The following PDE7A variants were observed in gnomAD, a reference collection of about 807,000 sequenced individuals.
PDE7A encodes the protein phosphodiesterase 7A, also known as high affinity 3',5'-cyclic-AMP phosphodiesterase 7A.
PDE7A carries 39 observed loss-of-function variants against 64.3 expected under a neutral mutation model. The observed-to-expected ratio is 0.61, with a 90% confidence interval of 0.47 to 0.79. The LOEUF (loss-of-function observed/expected upper bound fraction) is 0.79. PDE7A is among the 30% of genes least tolerant of loss of function. PDE7A has a pLI of 0.00. For synonymous variants in PDE7A, 203 were observed against 206.8 expected (o/e 0.98, Z 0.16); for missense variants, 470 against 582.8 (o/e 0.81, Z 1.99).
intron 3 of PDE7A, among the ~76,000 whole-genome samples, chr8:65,759,503 G>A (rs1563492813): frequency 6.6e-6 from 1 of 152,130 alleles, no homozygotes; most frequent in Non-Finnish European, 1.5e-5. Flanking sequence ...ATGGCTACTG[G>A]TTCACCCAAG....
chr8:65,840,919 C>A (rs1811065817), intron 1 of PDE7A, among the ~76,000 whole-genome samples: 1 of 152,244 alleles, frequency 6.6e-6, no homozygotes, highest in South Asian at 2.1e-4. Flanking sequence ...ACCAGGCGAG[C>A]GCCGCGGGGC....
At position 65,830,103 on chromosome 8, in the gene PDE7A, G is replaced by A. The variant is rs534275176; in HGVS notation, c.138+11268C>T. Among the ~76,000 whole-genome samples the A allele has an allele frequency of 1.3e-4, 20 of 152,062 alleles. No individual in the cohort carries two copies. In the East Asian group the frequency reaches 2.1e-3, roughly 16 times the overall value. On this transcript the variant is annotated intron_variant, in intron 1 of 12. Transcript: ENST00000401827. ...CTCTGCCACTTCATAAAAGAAAACC[G>A]TAACTCTCACATTTTCTGAAACTTG...
At chr8:65,721,041 C>T (rs1806355940) in intron 12 of PDE7A, among the ~76,000 whole-genome samples, 1 of 152,170 alleles carries the variant, frequency 6.6e-6, no homozygotes, top group African/African-American at 2.4e-5. Flanking sequence ...TCTGGCTCTA[C>T]GTTAACCTAA....
intron 1 of PDE7A, among the ~76,000 whole-genome samples, chr8:65,824,748 ATTG>A (rs992141578): frequency 2.0e-5 from 3 of 152,208 alleles, no homozygotes; most frequent in Non-Finnish European, 4.4e-5. Flanking sequence ...AAGTGTGTAC[ATTG>A]TTTTTATTAG....
At chr8:65,771,681 C>T (rs1171948743) in intron 3 of PDE7A, among the ~76,000 whole-genome samples, 1 of 151,860 alleles carries the variant, frequency 6.6e-6, no homozygotes, top group Non-Finnish European at 1.5e-5. Context: ...TCGAGACCAG[C>T]CTGGCCAACA....
At chr8:65,810,066 T>C (rs535627537) in intron 1 of PDE7A, among the ~76,000 whole-genome samples, 1 of 152,294 alleles carries the variant, frequency 6.6e-6, no homozygotes, top group East Asian at 1.9e-4. Context: ...ACTGCAGCAC[T>C]ATTGACAATA....
At chr8:65,783,362 T>A (rs1425757357) in intron 1 of PDE7A, among the ~76,000 whole-genome samples, 1 of 152,190 alleles carries the variant, frequency 6.6e-6, no homozygotes, top group Non-Finnish European at 1.5e-5. Context: ...ATCTGTGACC[T>A]GCCTGCCCTC....
At chr8:65,727,326 A>G in intron 7 of PDE7A, 25 bp from the exon 8 acceptor site, 1 of 1,612,088 alleles carries the variant, frequency 6.2e-7, no homozygotes, top group African/African-American at 1.3e-5. Flanking sequence ...AAGAATAATG[A>G]ATCACAGATA....
chr8:65,840,037 T>A (rs1422578526), intron 1 of PDE7A, among the ~76,000 whole-genome samples: 1 of 152,204 alleles, frequency 6.6e-6, no homozygotes, highest in Admixed American at 6.5e-5. Flanking sequence ...CTTTAACTAC[T>A]ACTATTAAAA....
intron 3 of PDE7A, among the ~76,000 whole-genome samples, chr8:65,755,698 TA>T (rs1808203097): frequency 6.6e-6 from 1 of 152,266 alleles, no homozygotes; most frequent in South Asian, 2.1e-4. Context: ...ACTTGTGTAG[TA>T]ACCTTTACCA....
chr8:65,763,929 A>G (rs1245944678), intron 3 of PDE7A, among the ~76,000 whole-genome samples: 6 of 152,244 alleles, frequency 3.9e-5, no homozygotes, highest in Non-Finnish European at 8.8e-5. Flanking sequence ...GAGTTAAGGA[A>G]GATATTTAGA....
chr8:65,734,006 A>G (rs1265536510), intron 7 of PDE7A, among the ~76,000 whole-genome samples: 1 of 152,234 alleles, frequency 6.6e-6, no homozygotes, highest in African/African-American at 2.4e-5. Context: ...CCTGCAGACA[A>G]TGATTCCCAA....
intron 1 of PDE7A, among the ~76,000 whole-genome samples, chr8:65,786,270 T>C (rs1437207666): frequency 6.6e-6 from 1 of 152,296 alleles, no homozygotes; most frequent in African/African-American, 2.4e-5. Flanking sequence ...AAGACATAGC[T>C]TTTATGAAAT....
intron 1 of PDE7A, among the ~76,000 whole-genome samples, chr8:65,830,458 G>T (rs1810790123): frequency 2.0e-5 from 3 of 151,810 alleles, no homozygotes; most frequent in African/African-American, 7.3e-5. Context: ...TACTAAATTC[G>T]TAAGTGAGGT....
chr8:65,735,670 C>G (rs1269712771), intron 6 of PDE7A, among the ~76,000 whole-genome samples: 2 of 152,070 alleles, frequency 1.3e-5, no homozygotes. Context: ...GTCACTCAGG[C>G]TGGAGTGCAA....
rs1319340971 is a variant in PDE7A, at chr8:65,726,862, T to C, written c.920+13A>G. ...AACCAGTAACAAATTAAATTTGTCT[T>C]AATCCAACCTACCTGCTTTCTAATG... On this transcript the variant is annotated intron_variant, in intron 9 of 12. Transcript: ENST00000401827. 1 of 1,453,448 alleles carries C rather than the reference T, an allele frequency of 6.9e-7. No homozygotes were observed. The highest frequency in any genetic ancestry group is 1.4e-5 in the African/African-American group (1 of 71,642). 90.0% of individuals were successfully genotyped at this position (1,453,448 alleles called of 1,614,324 possible). A position where few individuals can be genotyped will look rare whatever the true frequency, so the allele number is the denominator to read the frequency against.
chr8:65,762,853 T>C (rs1473866787), intron 3 of PDE7A, among the ~76,000 whole-genome samples: 1 of 152,082 alleles, frequency 6.6e-6, no homozygotes, highest in African/African-American at 2.4e-5. Flanking sequence ...AACAAGTATA[T>C]TGGCCAAGTA....
At chr8:65,828,525 T>C (rs191005679) in intron 1 of PDE7A, among the ~76,000 whole-genome samples, 108 of 152,280 alleles carry the variant, frequency 7.1e-4, no homozygotes, top group African/African-American at 2.5e-3. Context: ...TATCTATCAT[T>C]ACCAATGTTG....
At chr8:65,766,505 C>G (rs114440649) in intron 3 of PDE7A, among the ~76,000 whole-genome samples, 4,686 of 152,216 alleles carry the variant, frequency 0.031, 178 homozygotes, top group African/African-American at 0.089. Context: ...GGAGACGCTG[C>G]CATAGTAAAA....
Sources: allele counts gnomAD v4.1 joint callset (sites outside exome capture counted in the v4.1 genomes callset), GRCh38; gene constraint gnomAD v4.1.1; transcripts MANE v1.5; gene names NCBI Gene and HGNC (gene_info 2026-07-23, HGNC 2026-07-21).